ESCO2: variants seen among roughly 807,000 people sequenced by gnomAD.
The protein encoded by ESCO2 is N-acetyltransferase ESCO2.
A neutral mutation model predicts 61.7 loss-of-function variants in ESCO2; 51 were observed. The observed-to-expected ratio is 0.83, with a 90% CI of 0.66 to 1.04. ESCO2 has a LOEUF of 1.04. ESCO2 is among the 50% of genes least tolerant of loss of function. The pLI is 0.00. For synonymous variants in ESCO2, 230 were observed against 238.2 expected, an observed-to-expected ratio of 0.97 and a Z score of 0.32; for missense variants, 692 against 686.2, an observed-to-expected ratio of 1.01 and a Z score of -0.09.
chr8:27,790,691 T>C (rs1805156625), intron 7 of ESCO2, among the ~76,000 whole-genome samples: 2 of 152,202 alleles, frequency 1.3e-5, no homozygotes, highest in South Asian at 4.1e-4. Flanking sequence ...TTTAGACATT[T>C]AATCCACTGG....
rs755891774 is a variant in ESCO2 at position 27,792,776 on chromosome 8, G to A, written c.1462G>A (p.Val488Ile). 1.9e-6 allele frequency: 3 copies of A among 1,607,620 alleles called. No individual in the cohort carries two copies. The highest frequency in any genetic ancestry group is 1.7e-5 in the Admixed American group (1 of 58,682). Residue 488 changes from valine to isoleucine, a missense_variant, in exon 9 of 11, where the codon GTA (valine) becomes ATA (isoleucine). Physicochemically the swap from Val to Ile is conservative, Grantham distance 29 (BLOSUM62 3). Coordinates refer to ENST00000305188, the MANE Select transcript of ESCO2 (RefSeq NM_001017420.3). ...TFLFISDEKR[V>I]VGCLIAEPIK... ...TCTTTTTATATCTGATGAAAAGAGA[G>A]TAGTTGGGTGTTTAATTGCAGAACC... is the stretch of plus-strand genomic sequence containing the variant.
rs775770272 is a variant in ESCO2 at position 27,788,853 on chromosome 8, G to T, written c.1138G>T (p.Gly380Cys). Reference protein sequence around the residue: ...KTKDQLIIDAGQKHFGATVCK... With the variant: ...KTKDQLIIDACQKHFGATVCK... ...TTTTACCCCCCAATTATAGGACGCT[G>T]GTCAGAAACATTTTGGGGCTACTGT... The change falls in exon 7 of 11, where the codon GGT (glycine) becomes TGT (cysteine). Residue 380 changes from glycine to cysteine, a missense_variant. Gly to Cys is a radical substitution (Grantham distance 159, BLOSUM62 -3). Coordinates refer to ENST00000305188, the MANE Select transcript of ESCO2 (RefSeq NM_001017420.3). 6.2e-7 allele frequency: 1 copy of T among 1,613,998 alleles called. No homozygotes were observed. The highest frequency in any genetic ancestry group is 8.5e-7 in the Non-Finnish European group (1 of 1,179,986).
chr8:27,774,555 C>G lies in ESCO2; in HGVS notation c.-69C>G, dbSNP rs1359593551. The stretch of plus-strand genomic sequence containing the variant: ...CCTGGCGCGCGATTATTTGAAGACG[C>G]TCACGGAGCGGCTGGCTAGGCTGAG... On this transcript the variant is annotated 5_prime_UTR_variant, in exon 1 of 11. Coordinates refer to ENST00000305188, the MANE Select transcript of ESCO2 (RefSeq NM_001017420.3). The G allele has an allele frequency of 6.6e-6, 1 of 152,280 alleles. No individual in the cohort carries two copies. Among genetic ancestry groups the G allele is most frequent in the Non-Finnish European group, 1.5e-5 (1 of 68,096 alleles). The allele number at this position is 152,280 out of a possible 1,614,324, so 9.4% of individuals were successfully genotyped here. A position where few individuals can be genotyped will look rare whatever the true frequency, so the allele number is the denominator to read the frequency against.
chr8:27,803,392 A>C lies in ESCO2; in HGVS notation c.1760A>C (p.Lys587Thr). 6.2e-7 allele frequency: 1 copy of C among 1,613,964 alleles called. No homozygotes were observed. The highest frequency in any genetic ancestry group is 8.5e-7 in the Non-Finnish European group (1 of 1,179,848). ...CCAGATGGCAAGTTATTTGCAACCA[A>C]GTACTGCAACACCCCTAATTTCCTC... ...PTPDGKLFAT[K>T]YCNTPNFLVY... Residue 587 changes from lysine to threonine, a missense_variant, in exon 11 of 11, where the codon AAG (lysine) becomes ACG (threonine). Physicochemically the swap from Lys to Thr is moderately conservative, Grantham distance 78. Transcript: ENST00000305188.
intron 9 of ESCO2, among the ~76,000 whole-genome samples, chr8:27,797,093 T>A (rs992701827): frequency 6.6e-6 from 1 of 152,062 alleles, no homozygotes; most frequent in Admixed American, 6.5e-5. Flanking sequence ...CTCAGGGCAA[T>A]AGTGAGACCC....
rs192322118 is a variant in ESCO2, at chr8:27,797,723, C to T, written c.1498-1818C>T. ...CTTTTATGTATCTACTATAGGTTTT[C>T]GCTTTATGGTCATGAGGCTTACATA... On this transcript the variant is annotated intron_variant, in intron 9 of 10. Coordinates refer to ENST00000305188, the MANE Select transcript of ESCO2 (RefSeq NM_001017420.3). 2.1e-3 allele frequency among the ~76,000 whole-genome samples: 317 copies of T among 152,154 alleles called. 1 individual carries two copies. The highest frequency in any genetic ancestry group is 6.9e-3 in the African/African-American group (285 of 41,502).
upstream of ESCO2, among the ~76,000 whole-genome samples, chr8:27,774,165 C>A (rs978485363): frequency 1.8e-5 from 2 of 109,806 alleles, no homozygotes; most frequent in Non-Finnish European, 3.7e-5. Context: ...CTTGGAGAGG[C>A]CTTTATTTAT....
At chr8:27,799,431 T>C (rs1805374345) in intron 9 of ESCO2, 110 bp from the exon 10 acceptor site, 2 of 1,081,746 alleles carry the variant, frequency 1.8e-6, no homozygotes, top group Non-Finnish European at 2.8e-6. Flanking sequence ...TTTTTTAACA[T>C]ACTTGGAGAT....
At chr8:27,793,429 A>G (rs1805222861) in intron 9 of ESCO2, among the ~76,000 whole-genome samples, 1 of 150,860 alleles carries the variant, frequency 6.6e-6, no homozygotes, top group South Asian at 2.1e-4. Context: ...TTACCAACTT[A>G]TTGTGATGAG....
intron 8 of ESCO2, among the ~76,000 whole-genome samples, chr8:27,792,416 C>T (rs1392971414): frequency 6.6e-6 from 1 of 152,078 alleles, no homozygotes; most frequent in Non-Finnish European, 1.5e-5. Context: ...TTTAATGCTT[C>T]CTATTCCTTA....
chr8:27,818,173 C>T, the ESCO2 span, among the ~76,000 whole-genome samples: 344 of 152,220 alleles, frequency 2.3e-3, 3 homozygotes, highest in African/African-American at 8.0e-3. Flanking sequence ...GAGTAATAAG[C>T]CTTGGTTGTT....
At chr8:27,807,401 G>T (rs934936255), downstream of ESCO2, among the ~76,000 whole-genome samples, 4 of 152,050 alleles carry the variant, frequency 2.6e-5, no homozygotes, top group Non-Finnish European at 4.4e-5. Context: ...TAATATGGCG[G>T]TTACATTGTT....
At chr8:27,816,269 G>A (rs1378273567), downstream of ESCO2, among the ~76,000 whole-genome samples, 1 of 151,172 alleles carries the variant, frequency 6.6e-6, no homozygotes, top group African/African-American at 2.4e-5. Context: ...CATGGTGCCT[G>A]ACATGTATAT....
At chr8:27,795,294 TCTTGA>T (rs1354608303) in intron 9 of ESCO2, among the ~76,000 whole-genome samples, 1 of 152,188 alleles carries the variant, frequency 6.6e-6, no homozygotes, top group Non-Finnish European at 1.5e-5. Context: ...TGGATTGTCT[TCTTGA>T]CTTCTTTTTA....
chr8:27,795,723 T>A (rs1021773013), intron 9 of ESCO2, among the ~76,000 whole-genome samples: 2 of 152,214 alleles, frequency 1.3e-5, no homozygotes, highest in African/African-American at 4.8e-5. Flanking sequence ...CATGAAAGGA[T>A]GTTGGATGCC....
chr8:27,816,079 T>C (rs940575896), downstream of ESCO2, among the ~76,000 whole-genome samples: 1 of 152,170 alleles, frequency 6.6e-6, no homozygotes, highest in Non-Finnish European at 1.5e-5. Context: ...TCTCAGCTTA[T>C]TAAACATCAT....
chr8:27,802,324 G>A (rs1805448787), intron 10 of ESCO2, among the ~76,000 whole-genome samples: 1 of 150,848 alleles, frequency 6.6e-6, no homozygotes, highest in Non-Finnish European at 1.5e-5. Context: ...TAGGCTGGAC[G>A]GTCGCTCTTG....
downstream of ESCO2, chr8:27,811,275 C>T (rs557722424): frequency 4.4e-6 from 3 of 689,174 alleles, no homozygotes; most frequent in Non-Finnish European, 7.6e-6. Context: ...ATACACTCAA[C>T]CTCAATAAGG....
At chr8:27,777,213 C>T in intron 3 of ESCO2, 44 bp downstream of exon 3, 1 of 1,545,638 alleles carries the variant, frequency 6.5e-7, no homozygotes. Flanking sequence ...TATAACAAAA[C>T]TTCAGTATAA....
Sources: allele counts gnomAD v4.1 joint callset (sites outside exome capture counted in the v4.1 genomes callset), GRCh38; gene constraint gnomAD v4.1.1; transcripts MANE v1.5; gene names NCBI Gene and HGNC (gene_info 2026-07-23, HGNC 2026-07-21).